Variants in DOCK2 observed in about 807,000 individuals in gnomAD.
DOCK2 encodes dedicator of cytokinesis protein 2.
DOCK2 carries 87 observed loss-of-function variants against 248.9 expected under a neutral mutation model. The observed-to-expected ratio is 0.35, with a 90% CI of 0.29 to 0.42. The LOEUF is 0.42. Ranked by LOEUF, DOCK2 falls within the 10% of genes least tolerant of loss-of-function variation. The pLI is 1.00. For missense variants in DOCK2, 1,747 were observed against 2,300.2 expected (o/e 0.76, Z 4.92); for synonymous variants, 805 against 821.6 (o/e 0.98, Z 0.35).
intron 19 of DOCK2, 23 bp downstream of exon 19, chr5:169,714,480 T>C: frequency 6.2e-7 from 1 of 1,612,908 alleles, no homozygotes; most frequent in South Asian, 1.1e-5. Context: ...TCATTTTGAT[T>C]GTATTCTTAC....
At chr5:169,957,889 G>A (rs1284090997) in intron 27 of DOCK2, among the ~76,000 whole-genome samples, 3 of 152,114 alleles carry the variant, frequency 2.0e-5, no homozygotes, top group Non-Finnish European at 4.4e-5. Context: ...ATGCCTATTT[G>A]CAGAGACACA....
At position 170,007,399 on chromosome 5, in the gene DOCK2, A is replaced by G. The variant is rs562340200; in HGVS notation, c.3073-1098A>G. On this transcript the variant is annotated intron_variant, in intron 30 of 51. Transcript: ENST00000520908. ...GGCTGTATCACTGGCTTTCGTACCAAAGAAACCACTGGAATAAGGAAAAGC... is the reference window on the plus strand; with the variant it reads ...GGCTGTATCACTGGCTTTCGTACCAGAGAAACCACTGGAATAAGGAAAAGC... Among the ~76,000 whole-genome samples the G allele has an allele frequency of 5.9e-5, 9 of 152,318 alleles. No homozygotes were observed. In the South Asian group the frequency reaches 1.9e-3, roughly 32 times the overall value.
At chr5:169,979,256 C>A (rs1375008247) in intron 27 of DOCK2, among the ~76,000 whole-genome samples, 1 of 152,164 alleles carries the variant, frequency 6.6e-6, no homozygotes, top group African/African-American at 2.4e-5. Flanking sequence ...AGTGTTAGGG[C>A]TGTCTAAGTT....
intron 27 of DOCK2, among the ~76,000 whole-genome samples, chr5:169,844,432 C>G (rs1355965935): frequency 1.3e-5 from 2 of 152,194 alleles, no homozygotes; most frequent in Non-Finnish European, 2.9e-5. Context: ...CTGGGATGTT[C>G]AGGTTATCAG....
intron 27 of DOCK2, among the ~76,000 whole-genome samples, chr5:169,962,347 C>A (rs1777124244): frequency 6.6e-6 from 1 of 151,998 alleles, no homozygotes; most frequent in Non-Finnish European, 1.5e-5. Context: ...TTGGATATGG[C>A]CAGTCAGAAA....
intron 6 of DOCK2, among the ~76,000 whole-genome samples, chr5:169,676,653 TGGGCCAAGTGTCA>T (rs137968108): frequency 0.011 from 1,657 of 152,262 alleles, 34 homozygotes; most frequent in African/African-American, 0.038. Flanking sequence ...GCCCAGCGTC[TGGGCCAAGTGTCA>T]GGATCAGCCT....
chr5:169,702,245 C>G (rs979018322), intron 13 of DOCK2, 58 bp from the exon 14 acceptor site: 2 of 1,587,894 alleles, frequency 1.3e-6, no homozygotes, highest in Non-Finnish European at 1.7e-6. Flanking sequence ...TCTAGTTAGT[C>G]AGCGTCTCTC....
chr5:169,967,311 G>C (rs1463624033), intron 27 of DOCK2, among the ~76,000 whole-genome samples: 1 of 152,182 alleles, frequency 6.6e-6, no homozygotes, highest in Admixed American at 6.5e-5. Context: ...GTTCAGTAGA[G>C]GTGACTATGT....
intron 27 of DOCK2, chr5:169,883,177 G>T (rs780974743): frequency 7.7e-6 from 12 of 1,551,632 alleles, no homozygotes; most frequent in Middle Eastern, 1.7e-4. Context: ...CCCATCACCT[G>T]GACGTGTGTC....
rs1448417622 is a variant in DOCK2 at position 169,654,399 on chromosome 5, A to G, written c.44-4A>G. 5 of 1,614,150 alleles carry G rather than the reference A, an allele frequency of 3.1e-6. No homozygotes were observed. In the Admixed American group the frequency reaches 6.7e-5, roughly 22 times the overall value. On this transcript the variant is annotated splice_polypyrimidine_tract_variant and splice_region_variant and intron_variant, in intron 1 of 51. Coordinates refer to ENST00000520908, the MANE Select transcript of DOCK2 (RefSeq NM_004946.3). ...ACCTAGCTGTCTTTCTTTCTGTTTC[A>G]CAGCCATATACAACTTCCAAGGCAG...
intron 9 of DOCK2, chr5:169,695,371 G>C (rs1365882796): frequency 5.7e-6 from 1 of 175,562 alleles, no homozygotes. Flanking sequence ...AATGGTAGCT[G>C]TTATGATTTT....
At chr5:170,006,390 G>A (rs1755034278) in intron 30 of DOCK2, among the ~76,000 whole-genome samples, 1 of 152,162 alleles carries the variant, frequency 6.6e-6, no homozygotes. Flanking sequence ...TCAGCTCACT[G>A]CAGCCTCCGC....
At chr5:169,826,772 G>A (rs1234784599) in intron 26 of DOCK2, among the ~76,000 whole-genome samples, 1 of 152,162 alleles carries the variant, frequency 6.6e-6, no homozygotes, top group Non-Finnish European at 1.5e-5. Flanking sequence ...AAAGAACTAT[G>A]TTGCATGTTT....
intron 30 of DOCK2, among the ~76,000 whole-genome samples, chr5:170,006,404 C>T (rs556394423): frequency 3.3e-5 from 5 of 152,300 alleles, no homozygotes; most frequent in African/African-American, 9.6e-5. Context: ...CCTCCGCCTC[C>T]TGGGTTCAAG....
chr5:170,080,129 T>C (rs76076662), intron 49 of DOCK2, 34 bp from the exon 50 acceptor site: 1 of 1,584,916 alleles, frequency 6.3e-7, no homozygotes, highest in Non-Finnish European at 8.6e-7. Context: ...TCTGTCTTTG[T>C]GTGTGTGTGT....
At chr5:169,782,238 C>T (rs1215404283) in intron 25 of DOCK2, among the ~76,000 whole-genome samples, 1 of 152,126 alleles carries the variant, frequency 6.6e-6, no homozygotes, top group Non-Finnish European at 1.5e-5. Context: ...ATTCCCTGAG[C>T]ATAAGATGTG....
At chr5:169,958,870 G>A (rs796550465) in intron 27 of DOCK2, among the ~76,000 whole-genome samples, 9 of 152,152 alleles carry the variant, frequency 5.9e-5, no homozygotes, top group African/African-American at 2.2e-4. Context: ...TTAAGAGAGT[G>A]GGGGAAAAAC....
chr5:169,713,388 A>T (rs919321779), intron 17 of DOCK2, among the ~76,000 whole-genome samples: 2 of 152,238 alleles, frequency 1.3e-5, no homozygotes, highest in Non-Finnish European at 2.9e-5. Flanking sequence ...GCGGAGTAAG[A>T]TAAATGTTAT....
rs777722069 is a variant in DOCK2 at position 170,008,670 on chromosome 5, G to A, written c.3174-18G>A. On this transcript the variant is annotated intron_variant, in intron 31 of 51. Coordinates refer to ENST00000520908, the MANE Select transcript of DOCK2 (RefSeq NM_004946.3). ...CCTCTGAGATGGTGCCTGAAGCAGA[G>A]GTTTTTGTTCCTCCTAGGTATGGGG... The A allele has an allele frequency of 1.2e-6, 2 of 1,614,092 alleles. No individual in the cohort carries two copies. The highest frequency in any genetic ancestry group is 2.2e-5 in the South Asian group (2 of 91,076).
Sources: allele counts gnomAD v4.1 joint callset (sites outside exome capture counted in the v4.1 genomes callset), GRCh38; gene constraint gnomAD v4.1.1; transcripts MANE v1.5; gene names NCBI Gene and HGNC (gene_info 2026-07-23, HGNC 2026-07-21).